CUX1: variants seen among roughly 807,000 people sequenced by gnomAD.
The protein encoded by CUX1 is cut like homeobox 1.
CUX1 carries 31 observed loss-of-function variants against 158.8 expected under a neutral mutation model. The ratio of observed to expected loss-of-function variants is 0.20; its 90% confidence interval spans 0.15 to 0.26. The LOEUF (loss-of-function observed/expected upper bound fraction) is 0.26. Among genes scored for constraint, CUX1 ranks in the 10% least tolerant of loss-of-function variants. The pLI is 1.00. For synonymous variants in CUX1, 879 were observed against 862.1 expected (o/e 1.02, Z -0.34); for missense variants, 1,589 against 2,014.6 (o/e 0.79, Z 4.04).
intron 1 of CUX1, among the ~76,000 whole-genome samples, chr7:101,823,452 C>T (rs529476247): frequency 1.3e-5 from 2 of 152,286 alleles, no homozygotes; most frequent in African/African-American, 2.4e-5. Flanking sequence ...ATAAAGCACA[C>T]GACCCCCCAG....
At chr7:102,112,945 C>T (rs1394988909) in intron 7 of CUX1, among the ~76,000 whole-genome samples, 1 of 152,030 alleles carries the variant, frequency 6.6e-6, no homozygotes, top group Non-Finnish European at 1.5e-5. Context: ...TGTAGACAGA[C>T]ATCAGAAGTC....
intron 21 of CUX1, among the ~76,000 whole-genome samples, chr7:102,232,945 C>T (rs1554531305): frequency 6.6e-6 from 1 of 152,188 alleles, no homozygotes; most frequent in Non-Finnish European, 1.5e-5. Context: ...GCAGCTCCCT[C>T]TCCTCTGTCC....
At chr7:101,828,602 G>C (rs1164849209) in intron 1 of CUX1, among the ~76,000 whole-genome samples, 2 of 152,330 alleles carry the variant, frequency 1.3e-5, no homozygotes, top group East Asian at 3.9e-4. Context: ...TCGGAGGAAT[G>C]TCTCACGTCT....
At chr7:101,989,358 G>T (rs565473525) in intron 2 of CUX1, among the ~76,000 whole-genome samples, 28 of 152,362 alleles carry the variant, frequency 1.8e-4, no homozygotes, top group African/African-American at 6.3e-4. Context: ...CGTGTGCCGA[G>T]GCTCGGCGTG....
At chr7:101,985,222 T>G (rs1251948667) in intron 2 of CUX1, among the ~76,000 whole-genome samples, 1 of 152,188 alleles carries the variant, frequency 6.6e-6, no homozygotes, top group African/African-American at 2.4e-5. Flanking sequence ...GCTATAGTCT[T>G]GGCTTTCAGA....
chr7:101,938,869 C>T (rs1375663559), intron 2 of CUX1, among the ~76,000 whole-genome samples: 2 of 151,440 alleles, frequency 1.3e-5, no homozygotes, highest in South Asian at 2.1e-4. Flanking sequence ...GGTGATACTT[C>T]GCCTCTACTA....
intron 8 of CUX1, among the ~76,000 whole-genome samples, chr7:102,129,510 C>G (rs886265524): frequency 6.6e-6 from 1 of 152,080 alleles, no homozygotes; most frequent in African/African-American, 2.4e-5. Context: ...ATGGTAAAAC[C>G]CTGTCTCTAC....
At chr7:102,043,044 C>T (rs1186203016) in intron 3 of CUX1, among the ~76,000 whole-genome samples, 1 of 152,204 alleles carries the variant, frequency 6.6e-6, no homozygotes, top group East Asian at 1.9e-4. Flanking sequence ...TCACTGCAAC[C>T]TCCACCTCCT....
In CUX1 at chr7:102,196,635, G is replaced by C; in HGVS notation, c.1224G>C (p.Gly408=). The change falls in exon 15 of 24, where the codon GGG becomes GGC. Residue 408 remains glycine (G), a splice_region_variant and synonymous_variant. Coordinates refer to ENST00000292535, the MANE Select transcript of CUX1 (RefSeq NM_181552.4). ...CATTCTGTTTGCCCTTCCTTGTAGG[G>C]TCAGCCAGGAGGAAAGGGAAAGACC... is the stretch of plus-strand genomic sequence containing the variant. The part of the protein sequence containing the change: ...ALRISNSDLS[G]SARRKGKDQP... 6.5e-7 allele frequency: 1 copy of C among 1,545,798 alleles called. No individual in the cohort carries two copies. The highest frequency in any genetic ancestry group is 8.7e-7 in the Non-Finnish European group (1 of 1,146,396).
At chr7:101,957,331 T>G (rs1265610700) in intron 2 of CUX1, among the ~76,000 whole-genome samples, 1 of 152,276 alleles carries the variant, frequency 6.6e-6, no homozygotes, top group East Asian at 1.9e-4. Flanking sequence ...GGCCTTTTTC[T>G]AAGTCTTAGC....
intron 9 of CUX1, among the ~76,000 whole-genome samples, chr7:102,168,629 GC>G (rs1554509474): frequency 7.2e-6 from 1 of 138,462 alleles, no homozygotes; most frequent in Admixed American, 7.5e-5. Context: ...AGGCGACAGA[GC>G]GAGGCTCTGT....
intron 8 of CUX1, among the ~76,000 whole-genome samples, chr7:102,118,316 T>G (rs2131158385): frequency 6.6e-6 from 1 of 152,198 alleles, no homozygotes; most frequent in East Asian, 1.9e-4. Flanking sequence ...GGCGGGCGGC[T>G]CACTTGAGCC....
At chr7:101,932,364 G>A (rs1015110261) in intron 2 of CUX1, 3 of 319,614 alleles carry the variant, frequency 9.4e-6, no homozygotes, top group Non-Finnish European at 1.9e-5. Flanking sequence ...AACCCATATC[G>A]CATGCAAGCG....
chr7:101,847,483 G>GC (rs1795818940), intron 1 of CUX1, among the ~76,000 whole-genome samples: 1 of 152,138 alleles, frequency 6.6e-6, no homozygotes, highest in Non-Finnish European at 1.5e-5. Flanking sequence ...GCACTTCTTA[G>GC]CTGTGTGACT....
At chr7:102,129,030 G>T (rs1478647179) in intron 8 of CUX1, among the ~76,000 whole-genome samples, 1 of 151,940 alleles carries the variant, frequency 6.6e-6, no homozygotes, top group Admixed American at 6.6e-5. Context: ...CTCTATAAAG[G>T]GTGGCTGACA....
chr7:102,007,954 AG>A (rs1311303209), intron 2 of CUX1, among the ~76,000 whole-genome samples: 1 of 152,124 alleles, frequency 6.6e-6, no homozygotes, highest in African/African-American at 2.4e-5. Flanking sequence ...CATGTTGGTC[AG>A]GCTGGTCTCG....
At chr7:102,115,003 A>G (rs1563263085) in intron 7 of CUX1, among the ~76,000 whole-genome samples, 1 of 152,154 alleles carries the variant, frequency 6.6e-6, no homozygotes, top group Admixed American at 6.5e-5. Flanking sequence ...TTGGGATTAG[A>G]TGAGGCAGAA....
At chr7:101,985,787 G>C (rs1433374138) in intron 2 of CUX1, among the ~76,000 whole-genome samples, 1 of 152,210 alleles carries the variant, frequency 6.6e-6, no homozygotes, top group Non-Finnish European at 1.5e-5. Context: ...CCAGGTAATG[G>C]TGTAACGAAA....
At chr7:102,027,142 T>C (rs1371163976) in intron 2 of CUX1, among the ~76,000 whole-genome samples, 14 of 152,182 alleles carry the variant, frequency 9.2e-5, no homozygotes, top group Admixed American at 3.9e-4. Context: ...CCCAGCACTT[T>C]GGGAGATGAA....
Sources: allele counts gnomAD v4.1 joint callset (sites outside exome capture counted in the v4.1 genomes callset), GRCh38; gene constraint gnomAD v4.1.1; transcripts MANE v1.5; gene names NCBI Gene and HGNC (gene_info 2026-07-23, HGNC 2026-07-21).